Variants in FARS2 observed in about 807,000 individuals in gnomAD.
FARS2 encodes phenylalanine--tRNA ligase, mitochondrial.
Under a neutral mutation model 46.4 loss-of-function variants are expected in FARS2, and 40 were observed. The observed-to-expected ratio is 0.86, with a 90% CI of 0.67 to 1.12. The LOEUF is 1.12. Ranked by LOEUF, FARS2 falls within the 50% of genes most tolerant of loss-of-function variation. The pLI is 0.00. For synonymous variants in FARS2, 234 were observed against 214.9 expected (o/e 1.09, Z -0.78); for missense variants, 513 against 567.9 (o/e 0.90, Z 0.98).
At chr6:5,573,608 A>G (rs1179513848) in intron 5 of FARS2, among the ~76,000 whole-genome samples, 2 of 152,156 alleles carry the variant, frequency 1.3e-5, no homozygotes, top group Non-Finnish European at 1.5e-5. Flanking sequence ...GCATTCAGAC[A>G]TTCTATCCAT....
chr6:5,449,401 A>AT (rs929635614), intron 4 of FARS2, among the ~76,000 whole-genome samples: 1 of 151,578 alleles, frequency 6.6e-6, no homozygotes, highest in African/African-American at 2.4e-5. Context: ...TAGACTTAAG[A>AT]TTTTTTATAT....
intron 1 of FARS2, among the ~76,000 whole-genome samples, chr6:5,354,587 C>T (rs1038142070): frequency 2.0e-5 from 3 of 150,764 alleles, no homozygotes; most frequent in African/African-American, 4.9e-5. Flanking sequence ...GATCTCTGCT[C>T]GCTGCAAGCT....
intron 4 of FARS2, among the ~76,000 whole-genome samples, chr6:5,440,331 A>T (rs993525226): frequency 7.2e-5 from 11 of 152,238 alleles, no homozygotes; most frequent in Admixed American, 2.6e-4. Flanking sequence ...GAAATGTGAC[A>T]CAAGTGTCCT....
At position 5,368,591 on chromosome 6, in the gene FARS2, G is replaced by T. The variant is rs764390927; in HGVS notation, c.21G>T (p.Arg7Ser). The T allele has an allele frequency of 1.1e-5, 18 of 1,612,768 alleles. No homozygotes were observed. The East Asian group carries it at 4.0e-4, about 36-fold the overall frequency. MVGSAL[R>S]RGAHAYVYLV... ...CTACAATGGTGGGCTCAGCTCTCAG[G>T]AGAGGTGCCCATGCATATGTCTACC... Residue 7 changes from arginine (R) to serine (S), a missense_variant, in exon 2 of 7, where the codon AGG becomes AGT. Arg to Ser is a moderately radical substitution (Grantham distance 110). Coordinates refer to ENST00000274680, the MANE Select transcript of FARS2 (RefSeq NM_006567.5).
chr6:5,616,070 GCTGGAGTTTT>G (rs958022893), intron 6 of FARS2, among the ~76,000 whole-genome samples: 3 of 143,354 alleles, frequency 2.1e-5, no homozygotes, highest in East Asian at 2.1e-4. Flanking sequence ...CCATGTTTTT[GCTGGAGTTTT>G]CTGAGATGTG....
intron 2 of FARS2, among the ~76,000 whole-genome samples, chr6:5,371,974 A>G (rs1759091734): frequency 6.6e-6 from 1 of 152,126 alleles, no homozygotes; most frequent in Non-Finnish European, 1.5e-5. Context: ...GGCAGGAAAA[A>G]GAGATATCAA....
chr6:5,346,114 C>T (rs932551503), intron 1 of FARS2, among the ~76,000 whole-genome samples: 4 of 152,162 alleles, frequency 2.6e-5, no homozygotes, highest in African/African-American at 7.2e-5. Context: ...TCTCTTCCCT[C>T]GCAGGACCCA....
At chr6:5,565,338 C>A (rs1312553401) in intron 5 of FARS2, among the ~76,000 whole-genome samples, 1 of 152,172 alleles carries the variant, frequency 6.6e-6, no homozygotes, top group African/African-American at 2.4e-5. Flanking sequence ...GATTTGTCAA[C>A]ATGTCAGTTT....
intron 6 of FARS2, among the ~76,000 whole-genome samples, chr6:5,679,294 A>G (rs1778912223): frequency 6.6e-6 from 1 of 152,158 alleles, no homozygotes; most frequent in African/African-American, 2.4e-5. Context: ...GGTCCTCAAA[A>G]TGAGTGATAC....
chr6:5,363,930 ATGTC>A (rs1201664203), intron 1 of FARS2, among the ~76,000 whole-genome samples: 1 of 152,186 alleles, frequency 6.6e-6, no homozygotes, highest in Non-Finnish European at 1.5e-5. Flanking sequence ...TCCAGGATTA[ATGTC>A]TTACCTCATT....
At chr6:5,684,583 CAAA>C (rs1757040447) in intron 6 of FARS2, among the ~76,000 whole-genome samples, 2 of 152,256 alleles carry the variant, frequency 1.3e-5, no homozygotes, top group South Asian at 4.1e-4. Context: ...GCTGTATAAA[CAAA>C]AAGCTGCAAC....
rs568180451 is a variant in FARS2, at chr6:5,602,177, G to C, written c.1066-10992G>C. ...TTCAGTAACATTAAAAAGGAGAAGA[G>C]TTTTAAGGTAAGGGGAATATTTTGA... is the stretch of plus-strand genomic sequence containing the variant. On this transcript the variant is annotated intron_variant, in intron 5 of 6. Transcript: ENST00000274680. Among the ~76,000 whole-genome samples the C allele has an allele frequency of 2.1e-4, 32 of 152,254 alleles. No homozygotes were observed. The South Asian group carries it at 6.6e-3, about 32-fold the overall frequency.
intron 2 of FARS2, among the ~76,000 whole-genome samples, chr6:5,377,992 A>G (rs1759491358): frequency 6.6e-6 from 1 of 152,226 alleles, no homozygotes; most frequent in Admixed American, 6.5e-5. Flanking sequence ...TACATAATTA[A>G]TATATAATTT....
intron 1 of FARS2, among the ~76,000 whole-genome samples, chr6:5,269,826 AT>A (rs2127821870): frequency 6.6e-6 from 1 of 152,372 alleles, no homozygotes; most frequent in African/African-American, 2.4e-5. Context: ...GTTATTAACA[AT>A]AGAAGATATA....
intron 4 of FARS2, among the ~76,000 whole-genome samples, chr6:5,489,054 T>C (rs1216070982): frequency 6.6e-6 from 1 of 152,132 alleles, no homozygotes; most frequent in Non-Finnish European, 1.5e-5. Context: ...GAGTAAATTA[T>C]ATATCTAGTG....
intron 6 of FARS2, among the ~76,000 whole-genome samples, chr6:5,677,086 GTTA>G (rs1227262578): frequency 1.3e-5 from 2 of 152,152 alleles, no homozygotes; most frequent in African/African-American, 4.8e-5. Flanking sequence ...TTCATGAAAT[GTTA>G]TTTTTTCATT....
chr6:5,704,523 T>C (rs931148112), intron 6 of FARS2, among the ~76,000 whole-genome samples: 4 of 152,238 alleles, frequency 2.6e-5, no homozygotes, highest in Non-Finnish European at 4.4e-5. Flanking sequence ...TAAAAGAGTA[T>C]AATTCTCTGC....
chr6:5,485,128 C>T (rs776574510), intron 4 of FARS2, among the ~76,000 whole-genome samples: 2 of 152,118 alleles, frequency 1.3e-5, no homozygotes, highest in African/African-American at 2.4e-5. Context: ...CTGGTACATG[C>T]ACCATTTTTT....
Position 5,609,970 on chromosome 6 carries a change from T to G in FARS2, c.1066-3199T>G. 3.1e-6 allele frequency: 4 copies of G among 1,271,098 alleles called. No homozygotes were observed. In the Admixed American group the frequency reaches 6.7e-5, roughly 21 times the overall value. The allele number at this position is 1,271,098 out of a possible 1,614,324, so 78.7% of individuals were successfully genotyped here. ...TTCCACAACTCTTCCATCCACCTTGTGTGGCCTTGCATTCGTGGCTGCTTC... is the reference window on the plus strand; with the variant it reads ...TTCCACAACTCTTCCATCCACCTTGGGTGGCCTTGCATTCGTGGCTGCTTC... On this transcript the variant is annotated intron_variant, in intron 5 of 6. Coordinates refer to ENST00000274680, the MANE Select transcript of FARS2 (RefSeq NM_006567.5).
Sources: allele counts gnomAD v4.1 joint callset (sites outside exome capture counted in the v4.1 genomes callset), GRCh38; gene constraint gnomAD v4.1.1; transcripts MANE v1.5; gene names NCBI Gene and HGNC (gene_info 2026-07-23, HGNC 2026-07-21).